The following NTSR1 variants were observed in gnomAD, a reference collection of about 807,000 sequenced individuals.
NTSR1 encodes neurotensin receptor 1.
Under a neutral mutation model 31.2 loss-of-function variants are expected in NTSR1, and 29 were observed. That is an observed-to-expected ratio of 0.93 (90% CI 0.69 to 1.27). The LOEUF (loss-of-function observed/expected upper bound fraction) is 1.27. Among genes scored for constraint, NTSR1 ranks in the 50% most tolerant of loss-of-function variants. The pLI, the probability that NTSR1 is intolerant of heterozygous loss-of-function variation, is 0.00. For synonymous variants in NTSR1, 282 were observed against 269.9 expected (o/e 1.04, Z -0.44); for missense variants, 697 against 595.4 (o/e 1.17, Z -1.78).
In NTSR1 at chr20:62,754,816, G is replaced by A. The variant is rs1384569428; in HGVS notation, c.846G>A (p.Glu282=). 1.2e-6 allele frequency: 2 copies of A among 1,609,874 alleles called. No homozygotes were observed. The highest frequency in any genetic ancestry group is 2.2e-5 in the East Asian group (1 of 44,892). Residue 282 remains glutamate, a synonymous_variant, in exon 2 of 4, where the codon GAG becomes GAA. Coordinates refer to ENST00000370501, the MANE Select transcript of NTSR1 (RefSeq NM_002531.3). The stretch of plus-strand genomic sequence containing the variant: ...GCCAAGTGTGCACGGTCGGGGGCGA[G>A]CACAGCACATTCAGCATGGCCATCG... The part of the protein sequence containing the change: ...EQGQVCTVGG[E]HSTFSMAIEP...
At position 62,709,269 on chromosome 20, in the gene NTSR1, G is replaced by T. The variant is rs1353382348; in HGVS notation, c.62G>T (p.Arg21Leu). ...ACGCCGGCCGCCGACCCCTTCCAGC[G>T]GGCGCAGGCCGGACTGGAGGAGGCG... ...PGTPAADPFQ[R>L]AQAGLEEALL... Residue 21 changes from arginine to leucine, a missense_variant, in exon 1 of 4, where the codon CGG becomes CTG. Transcript: ENST00000370501. The T allele has an allele frequency of 3.9e-6, 6 of 1,557,802 alleles. No homozygotes were observed. The highest frequency in any genetic ancestry group is 4.3e-6 in the Non-Finnish European group (5 of 1,157,760).
In NTSR1 at chr20:62,714,896, G is replaced by T. The variant is rs1172636720; in HGVS notation, c.714+4975G>T. On this transcript the variant is annotated intron_variant, in intron 1 of 3. Transcript: ENST00000370501. This position sits in a 1 kb window ranked among gnomAD's most constrained non-coding sequence, Gnocchi z 4.1. ...AGGTAGTGAATAGCTACAAATTCTT[G>T]TTGTCCAGAGCTGTTGTGGGTATGG... is the stretch of plus-strand genomic sequence containing the variant. Among the ~76,000 whole-genome samples the T allele has an allele frequency of 3.9e-5, 6 of 152,182 alleles. No homozygotes were observed. The highest frequency in any genetic ancestry group is 8.8e-5 in the Non-Finnish European group (6 of 68,028).
chr20:62,727,897 G>A (rs1453886662), intron 1 of NTSR1, among the ~76,000 whole-genome samples: 1 of 152,358 alleles, frequency 6.6e-6, no homozygotes, highest in Non-Finnish European at 1.5e-5. Flanking sequence ...CTGTGTTCCC[G>A]GCGCTCCCGG....
At chr20:62,755,896 A>C (rs1243789046) in intron 2 of NTSR1, among the ~76,000 whole-genome samples, 6 of 55,878 alleles carry the variant, frequency 1.1e-4, no homozygotes, top group Non-Finnish European at 1.3e-4. Context: ...TCCATCCCTC[A>C]TTCCATCCAT....
intron 1 of NTSR1, among the ~76,000 whole-genome samples, chr20:62,740,296 T>A (rs1441660034): frequency 2.0e-5 from 3 of 152,044 alleles, no homozygotes; most frequent in Non-Finnish European, 4.4e-5. Context: ...GGCAGGCAGA[T>A]CTTACAAGCC....
At position 62,714,317 on chromosome 20, in the gene NTSR1, T is replaced by C. The variant is rs1157448230; in HGVS notation, c.714+4396T>C. Among the ~76,000 whole-genome samples, 1 of 152,192 alleles carries C rather than the reference T, an allele frequency of 6.6e-6. No individual in the cohort carries two copies. Among genetic ancestry groups the C allele is most frequent in the Admixed American group, 6.5e-5 (1 of 15,286 alleles). On this transcript the variant is annotated intron_variant, in intron 1 of 3. Transcript: ENST00000370501. This position sits in a 1 kb window ranked among gnomAD's most constrained non-coding sequence, Gnocchi z 4.1. ...TTCCTCCAGTCTGAGCCCATGACCC[T>C]TTAGAGGAAAGGAATGGAGTATTTT...
intron 1 of NTSR1, among the ~76,000 whole-genome samples, chr20:62,738,027 G>A (rs1019394197): frequency 1.3e-5 from 2 of 152,150 alleles, no homozygotes; most frequent in Admixed American, 6.5e-5. Context: ...CGCAACAGCC[G>A]CATCCCTTTC....
Position 62,714,089 on chromosome 20 carries a change from T to C in NTSR1, c.714+4168T>C, listed in dbSNP as rs960243824. 6.6e-6 allele frequency among the ~76,000 whole-genome samples: 1 copy of C among 152,026 alleles called. No homozygotes were observed. The highest frequency in any genetic ancestry group is 1.5e-5 in the Non-Finnish European group (1 of 67,982). ...CACTCCAGCCTGGGTGACAACTGTC[T>C]CAAAGAAAAAAAAAGTTGCAGAAGA... On this transcript the variant is annotated intron_variant, in intron 1 of 3. Transcript: ENST00000370501. This position sits in a 1 kb window ranked among gnomAD's most constrained non-coding sequence, Gnocchi z 4.1.
At chr20:62,737,910 C>T (rs1386805145) in intron 1 of NTSR1, among the ~76,000 whole-genome samples, 1 of 140,498 alleles carries the variant, frequency 7.1e-6, no homozygotes, top group African/African-American at 2.7e-5. Context: ...CCTCCTTCCT[C>T]CTGGCCCACA....
At chr20:62,716,505 C>A (rs1050356156) in intron 1 of NTSR1, among the ~76,000 whole-genome samples, 9 of 152,220 alleles carry the variant, frequency 5.9e-5, no homozygotes, top group Non-Finnish European at 1.3e-4. Flanking sequence ...GTGGTTTCAG[C>A]GCGTTAGTCC....
intron 1 of NTSR1, among the ~76,000 whole-genome samples, chr20:62,718,030 A>G (rs1988763632): frequency 6.6e-6 from 1 of 152,104 alleles, no homozygotes; most frequent in Non-Finnish European, 1.5e-5. Flanking sequence ...GTAGGGGAAC[A>G]GCAGGTGCAA....
chr20:62,751,264 A>G (rs1168096473), intron 1 of NTSR1, among the ~76,000 whole-genome samples: 2 of 152,194 alleles, frequency 1.3e-5, no homozygotes, highest in Admixed American at 6.5e-5. Context: ...TAAAACTTCC[A>G]TGATTTCTTA....
At chr20:62,721,021 G>A (rs934072220) in intron 1 of NTSR1, among the ~76,000 whole-genome samples, 1 of 152,124 alleles carries the variant, frequency 6.6e-6, no homozygotes, top group Admixed American at 6.6e-5. Flanking sequence ...TCCTAATTTT[G>A]TGAATGCTTG....
intron 1 of NTSR1, among the ~76,000 whole-genome samples, chr20:62,737,273 C>T (rs1363681367): frequency 6.6e-6 from 1 of 152,156 alleles, no homozygotes; most frequent in Non-Finnish European, 1.5e-5. Flanking sequence ...GCTGTGTTGG[C>T]CACAGCGGCC....
Position 62,762,594 on chromosome 20 carries a change from A to C in NTSR1, c.*2327A>C, listed in dbSNP as rs1989645835. On this transcript the variant is annotated 3_prime_UTR_variant, in exon 4 of 4. Coordinates refer to ENST00000370501, the MANE Select transcript of NTSR1 (RefSeq NM_002531.3). The stretch of plus-strand genomic sequence containing the variant: ...GGCCAGGTCATGATGTGGCCCCGGA[A>C]GCTGGCCCTGCGTGCCATGAGTGCG... 6.6e-6 allele frequency: 1 copy of C among 152,168 alleles called. No individual in the cohort carries two copies. Among genetic ancestry groups the C allele is most frequent in the South Asian group, 2.1e-4 (1 of 4,836 alleles). The allele number at this position is 152,168 out of a possible 1,614,324, so 9.4% of individuals were successfully genotyped here. A position where few individuals can be genotyped will look rare whatever the true frequency, so the allele number is the denominator to read the frequency against.
chr20:62,746,047 T>C (rs994496864), intron 1 of NTSR1, among the ~76,000 whole-genome samples: 2 of 152,154 alleles, frequency 1.3e-5, no homozygotes, highest in African/African-American at 4.8e-5. Context: ...CTGAGACGCC[T>C]AGAGAGGTAG....
intron 1 of NTSR1, among the ~76,000 whole-genome samples, chr20:62,722,580 G>T (rs557506205): frequency 6.6e-6 from 1 of 152,354 alleles, no homozygotes; most frequent in East Asian, 1.9e-4. Flanking sequence ...TGTAGCCACA[G>T]CCACAGCCCG....
intron 1 of NTSR1, among the ~76,000 whole-genome samples, chr20:62,749,874 C>A (rs937565775): frequency 6.6e-6 from 1 of 152,064 alleles, no homozygotes; most frequent in Non-Finnish European, 1.5e-5. Context: ...ACGGCTGTTA[C>A]GGAAAACAGG....
At position 62,761,465 on chromosome 20, in the gene NTSR1, G is replaced by C. The variant is rs1989621703; in HGVS notation, c.*1198G>C. ...CGCCTCCTTGGTCTCTAGGATCCAGGCTCCACAGAGCACATGACTAGCCAG... is the reference window on the plus strand; with the variant it reads ...CGCCTCCTTGGTCTCTAGGATCCAGCCTCCACAGAGCACATGACTAGCCAG... On this transcript the variant is annotated 3_prime_UTR_variant, in exon 4 of 4. Transcript: ENST00000370501. 6.6e-6 allele frequency: 1 copy of C among 152,216 alleles called. No homozygotes were observed. The highest frequency in any genetic ancestry group is 1.5e-5 in the Non-Finnish European group (1 of 68,054). 9.4% of individuals were successfully genotyped at this position (152,216 alleles called of 1,614,324 possible).
Sources: gnomAD v4.1 joint callset for allele counts (sites outside exome capture counted in the v4.1 genomes callset) on GRCh38, gnomAD v4.1.1 for gene constraint, Gnocchi (gnomAD v3.1) non-coding constraint, MANE v1.5 for transcripts, NCBI Gene and HGNC (gene_info 2026-07-23, HGNC 2026-07-21) for gene names.